DHRSX: variants seen among roughly 807,000 people sequenced by gnomAD.
The protein encoded by DHRSX is polyprenol dehydrogenase.
A neutral mutation model predicts 34.0 loss-of-function variants in DHRSX; 31 were observed. The ratio of observed to expected loss-of-function variants is 0.91; its 90% confidence interval spans 0.69 to 1.23. DHRSX has a LOEUF of 1.23. Among genes scored for constraint, DHRSX ranks in the 50% most tolerant of loss-of-function variants. The pLI is 0.00. For missense variants in DHRSX, 414 were observed against 428.1 expected, an observed-to-expected ratio of 0.97 and a Z score of 0.29; for synonymous variants, 201 against 183.8, an observed-to-expected ratio of 1.09 and a Z score of -0.76.
intron 6 of DHRSX, among the ~76,000 whole-genome samples, chrX:2,240,649 G>C (rs1444063084): frequency 1.3e-5 from 2 of 151,924 alleles, no homozygotes; most frequent in African/African-American, 4.8e-5. Context: ...AGTTAGAATC[G>C]CTCTTCCGAA....
At chrX:2,492,580 TC>T (rs1025555770) in intron 1 of DHRSX, among the ~76,000 whole-genome samples, 22 of 151,898 alleles carry the variant, frequency 1.4e-4, no homozygotes, top group African/African-American at 5.3e-4. Context: ...GATGAGATCA[TC>T]CGGGATTTGA....
At chrX:2,482,147 A>G (rs1476620917) in intron 1 of DHRSX, among the ~76,000 whole-genome samples, 1 of 122,808 alleles carries the variant, frequency 8.1e-6, no homozygotes, top group Admixed American at 7.6e-5. Context: ...TTTTTTTTAG[A>G]GACAGCATCT....
At chrX:2,294,919 A>G (rs1007680741) in intron 3 of DHRSX, among the ~76,000 whole-genome samples, 4 of 152,172 alleles carry the variant, frequency 2.6e-5, no homozygotes, top group African/African-American at 9.7e-5. Flanking sequence ...CTGTATAAGG[A>G]GAAGAAAAGG....
At chrX:2,473,943 C>G (rs1245203312) in intron 1 of DHRSX, among the ~76,000 whole-genome samples, 3 of 149,818 alleles carry the variant, frequency 2.0e-5, no homozygotes, top group Admixed American at 6.6e-5. Flanking sequence ...AGGATGCGGA[C>G]AGGGCAGGAG....
At chrX:2,346,475 G>A (rs888350439) in intron 3 of DHRSX, among the ~76,000 whole-genome samples, 29 of 151,598 alleles carry the variant, frequency 1.9e-4, no homozygotes, top group Non-Finnish European at 2.8e-4. Context: ...CCCACAAGGC[G>A]CCTTGAAGCT....
chrX:2,320,280 T>C (rs2042292877), intron 3 of DHRSX, among the ~76,000 whole-genome samples: 1 of 122,944 alleles, frequency 8.1e-6, no homozygotes, highest in South Asian at 2.9e-4. Context: ...CATATTTCCC[T>C]ATGTGGACTT....
At chrX:2,420,957 T>A (rs1334179946) in intron 2 of DHRSX, among the ~76,000 whole-genome samples, 1 of 152,206 alleles carries the variant, frequency 6.6e-6, no homozygotes, top group Non-Finnish European at 1.5e-5. Flanking sequence ...CACGATGTTA[T>A]CATTATCTAA....
chrX:2,332,296 G>A (rs923459892), intron 3 of DHRSX, among the ~76,000 whole-genome samples: 2 of 152,144 alleles, frequency 1.3e-5, no homozygotes, highest in African/African-American at 2.4e-5. Flanking sequence ...TGGGTAGCTC[G>A]TAAGAAAGGC....
At chrX:2,388,220 G>A (rs777546582) in intron 3 of DHRSX, among the ~76,000 whole-genome samples, 7 of 152,224 alleles carry the variant, frequency 4.6e-5, no homozygotes, top group Non-Finnish European at 5.9e-5. Context: ...TTGCAGAAAC[G>A]TTTTCAGGTA....
At chrX:2,274,279 C>T (rs189486937) in intron 4 of DHRSX, among the ~76,000 whole-genome samples, 6 of 152,204 alleles carry the variant, frequency 3.9e-5, no homozygotes, top group Admixed American at 1.3e-4. Context: ...CTCAACTGAT[C>T]CTCCCGCCTT....
chrX:2,394,189 C>T (rs766108057), intron 3 of DHRSX, among the ~76,000 whole-genome samples: 9 of 152,240 alleles, frequency 5.9e-5, no homozygotes, highest in African/African-American at 1.4e-4. Context: ...GCAGACAGGG[C>T]GCCGGAGGAG....
At chrX:2,323,515 C>A (rs112084236) in intron 3 of DHRSX, among the ~76,000 whole-genome samples, 1 of 152,146 alleles carries the variant, frequency 6.6e-6, no homozygotes, top group South Asian at 2.1e-4. Context: ...GTAATCCCAG[C>A]ACTTTAAGAG....
intron 3 of DHRSX, among the ~76,000 whole-genome samples, chrX:2,306,417 G>A (rs2042097058): frequency 6.6e-6 from 1 of 151,676 alleles, no homozygotes; most frequent in African/African-American, 2.4e-5. Flanking sequence ...TTTGGACAAA[G>A]AGCAGAGCAG....
At chrX:2,489,004 C>T (rs755708522) in intron 1 of DHRSX, 34 of 1,609,596 alleles carry the variant, frequency 2.1e-5, no homozygotes, top group Non-Finnish European at 2.9e-5. Flanking sequence ...TGAAGTTGCT[C>T]AGCTCCTCCA....
At chrX:2,296,292 G>A (rs1016912174) in intron 3 of DHRSX, among the ~76,000 whole-genome samples, 6 of 152,194 alleles carry the variant, frequency 3.9e-5, no homozygotes, top group African/African-American at 1.4e-4. Flanking sequence ...GGGAGCTTGG[G>A]CCACGTCCTC....
intron 1 of DHRSX, among the ~76,000 whole-genome samples, chrX:2,480,144 A>G (rs1255072561): frequency 1.3e-5 from 2 of 152,118 alleles, no homozygotes; most frequent in East Asian, 3.9e-4. Flanking sequence ...GAGCGTATCA[A>G]GCAAATGTGG....
chrX:2,421,513 G>A (rs1258295236), intron 2 of DHRSX, among the ~76,000 whole-genome samples: 4 of 152,238 alleles, frequency 2.6e-5, no homozygotes, highest in African/African-American at 7.2e-5. Context: ...CATGGACCAC[G>A]CATCTCCAGG....
chrX:2,306,012 T>C (rs1602909543), intron 3 of DHRSX, among the ~76,000 whole-genome samples: 2 of 73,884 alleles, frequency 2.7e-5, no homozygotes, highest in African/African-American at 1.2e-4. Context: ...AGCTAACTCA[T>C]GCTGGGCTTT....
In DHRSX at chrX:2,266,868, G is replaced by A; in HGVS notation, c.468C>T (p.Phe156=). Residue 156 remains phenylalanine (F), a synonymous_variant, in exon 5 of 7, where the codon TTC becomes TTT. Transcript: ENST00000334651. ...EHFGLNYLGH[F]LLTNLLLDTL... Reference sequence around the variant, plus strand: ...TATCCAAGAGAAGGTTGGTCAGCAGGAAGTGCCCTAGGTAGTTCAGGCCGA... The same window carrying A: ...TATCCAAGAGAAGGTTGGTCAGCAGAAAGTGCCCTAGGTAGTTCAGGCCGA... 1 of 1,613,954 alleles carries A rather than the reference G, an allele frequency of 6.2e-7. No individual in the cohort carries two copies.
Sources: allele counts gnomAD v4.1 joint callset (sites outside exome capture counted in the v4.1 genomes callset), GRCh38; gene constraint gnomAD v4.1.1; transcripts MANE v1.5; gene names NCBI Gene and HGNC (gene_info 2026-07-23, HGNC 2026-07-21).